The following PLEKHM3 variants were observed in gnomAD, a reference collection of about 807,000 sequenced individuals.
PLEKHM3 encodes pleckstrin homology domain containing M3.
PLEKHM3 carries 45 observed loss-of-function variants against 81.8 expected under a neutral mutation model. The observed-to-expected ratio is 0.55, with a 90% CI of 0.43 to 0.71. The LOEUF (loss-of-function observed/expected upper bound fraction) is 0.71, where lower values mean the gene tolerates loss of function less well. Among genes scored for constraint, PLEKHM3 ranks in the 30% least tolerant of loss-of-function variants. The pLI is 0.00. For synonymous variants in PLEKHM3, 352 were observed against 356.4 expected (o/e 0.99, Z 0.14); for missense variants, 788 against 924.3 (o/e 0.85, Z 1.91).
At chr2:207,911,243 A>G (rs1259235357) in intron 5 of PLEKHM3, among the ~76,000 whole-genome samples, 2 of 152,228 alleles carry the variant, frequency 1.3e-5, no homozygotes, top group African/African-American at 4.8e-5. Flanking sequence ...CCTACAATCT[A>G]GAACTATCTA....
chr2:207,903,566 A>G (rs978568367), intron 6 of PLEKHM3, among the ~76,000 whole-genome samples: 1 of 152,262 alleles, frequency 6.6e-6, no homozygotes, highest in African/African-American at 2.4e-5. Flanking sequence ...CCAAAATTTA[A>G]AAGTAAAATC....
Position 207,976,036 on chromosome 2 carries a change from T to C in PLEKHM3, c.1546+615A>G, listed in dbSNP as rs1465257967. On this transcript the variant is annotated intron_variant, in intron 3 of 7. Coordinates refer to ENST00000427836, the MANE Select transcript of PLEKHM3 (RefSeq NM_001080475.3). The surrounding 1 kb of genome is among the most constrained non-coding windows in gnomAD (Gnocchi z 4.1). ...CTCCACTTTGCATCTCATCCTTACA[T>C]AGCAGTTCCAGAAGGCCTGGGCTTC... 2.6e-5 allele frequency among the ~76,000 whole-genome samples: 4 copies of C among 152,076 alleles called. No homozygotes were observed. In the East Asian group the frequency reaches 7.7e-4, roughly 29 times the overall value.
intron 6 of PLEKHM3, among the ~76,000 whole-genome samples, chr2:207,881,418 C>T (rs1460133119): frequency 6.6e-6 from 1 of 152,126 alleles, no homozygotes; most frequent in South Asian, 2.1e-4. Context: ...GTATTGATCC[C>T]ATTGAATCCT....
intron 7 of PLEKHM3, among the ~76,000 whole-genome samples, chr2:207,836,225 G>A (rs138306221): frequency 3.4e-4 from 51 of 151,962 alleles, no homozygotes; most frequent in African/African-American, 1.2e-3. Context: ...TTAGAAGGCT[G>A]AGGCAGGAGA....
At chr2:207,886,281 C>T (rs1175376264) in intron 6 of PLEKHM3, among the ~76,000 whole-genome samples, 1 of 151,958 alleles carries the variant, frequency 6.6e-6, no homozygotes, top group African/African-American at 2.4e-5. Context: ...TAATATGAGC[C>T]CAGGGGATTC....
intron 4 of PLEKHM3, among the ~76,000 whole-genome samples, chr2:207,939,075 C>T (rs1164938738): frequency 6.6e-6 from 1 of 152,170 alleles, no homozygotes; most frequent in Non-Finnish European, 1.5e-5. Context: ...CAATGGATCA[C>T]AGGGCTCGGA....
intron 2 of PLEKHM3, among the ~76,000 whole-genome samples, chr2:207,985,128 T>TA (rs560572012): frequency 5.3e-4 from 80 of 152,126 alleles, no homozygotes; most frequent in African/African-American, 1.8e-3. Context: ...CTGCCACTCT[T>TA]AACTCCACCA....
chr2:207,910,203 C>T (rs894789565), intron 5 of PLEKHM3, among the ~76,000 whole-genome samples: 1 of 152,172 alleles, frequency 6.6e-6, no homozygotes, highest in African/African-American at 2.4e-5. Flanking sequence ...AAGCAGAGCA[C>T]AGGTCCAGCA....
intron 3 of PLEKHM3, among the ~76,000 whole-genome samples, chr2:207,952,650 C>T (rs1690367222): frequency 6.6e-6 from 1 of 152,142 alleles, no homozygotes; most frequent in Admixed American, 6.5e-5. Context: ...GATTATTTGA[C>T]ACAGGGCACA....
intron 4 of PLEKHM3, among the ~76,000 whole-genome samples, chr2:207,932,089 C>G (rs1337700432): frequency 6.6e-6 from 1 of 152,232 alleles, no homozygotes; most frequent in Non-Finnish European, 1.5e-5. Context: ...CTCAAATATA[C>G]TGCTTCAGTG....
intron 3 of PLEKHM3, among the ~76,000 whole-genome samples, chr2:207,958,055 G>A (rs762510918): frequency 7.2e-5 from 11 of 152,186 alleles, no homozygotes; most frequent in Non-Finnish European, 1.6e-4. Flanking sequence ...AAAACCCTAT[G>A]ACAACAGAAA....
chr2:207,859,669 C>T (rs985513225), intron 7 of PLEKHM3, among the ~76,000 whole-genome samples: 1 of 151,852 alleles, frequency 6.6e-6, no homozygotes, highest in African/African-American at 2.4e-5. Flanking sequence ...GTAATCTCAG[C>T]TTACTATAGC....
chr2:207,923,901 A>ATTTTTT (rs1422796438), intron 5 of PLEKHM3, among the ~76,000 whole-genome samples: 73 of 72,522 alleles, frequency 1.0e-3, no homozygotes, highest in African/African-American at 3.8e-3. Context: ...ATATATATAT[A>ATTTTTT]TATATTTTTT....
chr2:207,931,552 A>C (rs1334049688), intron 4 of PLEKHM3, among the ~76,000 whole-genome samples: 1 of 152,258 alleles, frequency 6.6e-6, no homozygotes, highest in Non-Finnish European at 1.5e-5. Context: ...AATTATTTCA[A>C]AATAAAAAAG....
At chr2:207,875,458 T>G (rs1394643912) in intron 6 of PLEKHM3, among the ~76,000 whole-genome samples, 1 of 152,218 alleles carries the variant, frequency 6.6e-6, no homozygotes, top group Non-Finnish European at 1.5e-5. Context: ...ATGGAAGTAT[T>G]AAATTGGTTC....
chr2:207,869,130 T>G (rs1023910426), intron 6 of PLEKHM3, among the ~76,000 whole-genome samples: 2 of 152,232 alleles, frequency 1.3e-5, no homozygotes, highest in Non-Finnish European at 2.9e-5. Context: ...TAGGCTAATA[T>G]AACTTTATAA....
intron 3 of PLEKHM3, among the ~76,000 whole-genome samples, chr2:207,951,221 T>TC (rs2105978119): frequency 6.6e-6 from 1 of 152,256 alleles, no homozygotes; most frequent in East Asian, 1.9e-4. Context: ...CAAAAAACCA[T>TC]TTTTTTAGAG....
chr2:207,886,252 G>A (rs1276500837), intron 6 of PLEKHM3, among the ~76,000 whole-genome samples: 1 of 152,122 alleles, frequency 6.6e-6, no homozygotes, highest in Non-Finnish European at 1.5e-5. Flanking sequence ...AGCCCACGGA[G>A]GGAAATGGGG....
intron 1 of PLEKHM3, among the ~76,000 whole-genome samples, chr2:208,024,923 T>C (rs1440079660): frequency 6.6e-6 from 1 of 152,238 alleles, no homozygotes; most frequent in Non-Finnish European, 1.5e-5. Flanking sequence ...TTTAGCTTAA[T>C]AATTCTTTCC....
Sources: gnomAD v4.1 joint callset for allele counts (sites outside exome capture counted in the v4.1 genomes callset) on GRCh38, gnomAD v4.1.1 for gene constraint, Gnocchi (gnomAD v3.1) non-coding constraint, MANE v1.5 for transcripts, NCBI Gene and HGNC (gene_info 2026-07-23, HGNC 2026-07-21) for gene names.